The following FHIT variants were observed in gnomAD, a reference collection of about 807,000 sequenced individuals.
FHIT encodes the protein fragile histidine triad diadenosine triphosphatase, also known as bis(5'-adenosyl)-triphosphatase.
Under a neutral mutation model 17.9 loss-of-function variants are expected in FHIT, and 19 were observed. The ratio of observed to expected loss-of-function variants is 1.06; its 90% CI spans 0.74 to 1.56. The LOEUF (loss-of-function observed/expected upper bound fraction) is 1.56, where lower values mean the gene tolerates loss of function less well. Ranked by LOEUF, FHIT falls within the 40% of genes most tolerant of loss-of-function variation. FHIT has a pLI of 0.00. For missense variants in FHIT, 248 were observed against 189.2 expected (o/e 1.31, Z -1.82); for synonymous variants, 81 against 69.7 (o/e 1.16, Z -0.81).
chr3:60,215,614 A>G (rs1180206809), intron 5 of FHIT, among the ~76,000 whole-genome samples: 1 of 152,228 alleles, frequency 6.6e-6, no homozygotes, highest in African/African-American at 2.4e-5. Context: ...AAATGTGGAT[A>G]GAAGAAATAT....
chr3:60,891,681 T>G (rs1411937589), intron 3 of FHIT, among the ~76,000 whole-genome samples: 1 of 152,218 alleles, frequency 6.6e-6, no homozygotes, highest in Non-Finnish European at 1.5e-5. Context: ...CTTGCAATCA[T>G]TCTCAGAAAC....
chr3:60,095,443 G>A (rs1703906567), intron 5 of FHIT, among the ~76,000 whole-genome samples: 1 of 152,192 alleles, frequency 6.6e-6, no homozygotes, highest in Non-Finnish European at 1.5e-5. Flanking sequence ...AAATTGGAGA[G>A]CTTAAAATGC....
intron 8 of FHIT, among the ~76,000 whole-genome samples, chr3:59,914,781 C>T (rs977443428): frequency 3.3e-5 from 5 of 151,436 alleles, no homozygotes; most frequent in Non-Finnish European, 1.5e-5. Context: ...CCTAGTTTAT[C>T]CATTTCTGAT....
At chr3:60,020,813 A>G (rs1700526246) in intron 5 of FHIT, among the ~76,000 whole-genome samples, 1 of 152,248 alleles carries the variant, frequency 6.6e-6, no homozygotes, top group Non-Finnish European at 1.5e-5. Context: ...TAAATAGCAC[A>G]ATTACAGAGC....
At chr3:60,362,932 G>C (rs1699961857) in intron 5 of FHIT, among the ~76,000 whole-genome samples, 1 of 152,140 alleles carries the variant, frequency 6.6e-6, no homozygotes, top group South Asian at 2.1e-4. Flanking sequence ...AAGCAGCAGA[G>C]AACTTCAGAA....
At chr3:60,671,468 A>G (rs1453520278) in intron 4 of FHIT, among the ~76,000 whole-genome samples, 2 of 152,152 alleles carry the variant, frequency 1.3e-5, no homozygotes, top group Non-Finnish European at 1.5e-5. Flanking sequence ...CAAATGTAAT[A>G]TAATAAACAC....
chr3:61,099,312 T>C (rs1170253561), intron 2 of FHIT, among the ~76,000 whole-genome samples: 2 of 152,156 alleles, frequency 1.3e-5, no homozygotes, highest in Non-Finnish European at 2.9e-5. Flanking sequence ...TGTTGCTGGA[T>C]TCGGTTTGCT....
chr3:61,064,671 C>T (rs1255637072), intron 2 of FHIT, among the ~76,000 whole-genome samples: 2 of 152,114 alleles, frequency 1.3e-5, no homozygotes. Context: ...TAAGGCTCTG[C>T]CACTTGAGAA....
At chr3:61,204,822 T>A (rs564346473) in intron 1 of FHIT, among the ~76,000 whole-genome samples, 57 of 152,298 alleles carry the variant, frequency 3.7e-4, no homozygotes, top group South Asian at 2.1e-4. Context: ...ATTCTTTTTT[T>A]AAAATTTTAT....
In FHIT at chr3:61,090,224, T is replaced by A. The variant is rs928469962; in HGVS notation, c.-163-48125A>T. ...ACAAAGTAAAGTCAGCCCTTTGTTT[T>A]AGGGGGGAAATTGTACCAGTCTCAA... On this transcript the variant is annotated intron_variant, in intron 2 of 9. Coordinates refer to ENST00000492590, the MANE Select transcript of FHIT (RefSeq NM_002012.4). Among the ~76,000 whole-genome samples the A allele has an allele frequency of 2.0e-5, 3 of 152,342 alleles. No homozygotes were observed. In the South Asian group the frequency reaches 6.2e-4, roughly 32 times the overall value.
At chr3:61,231,979 A>T (rs1315563491) in intron 1 of FHIT, among the ~76,000 whole-genome samples, 1 of 152,200 alleles carries the variant, frequency 6.6e-6, no homozygotes, top group Non-Finnish European at 1.5e-5. Flanking sequence ...GGGCTCTTAA[A>T]GGTAGGCTCT....
intron 4 of FHIT, among the ~76,000 whole-genome samples, chr3:60,736,457 G>T (rs2042134974): frequency 6.6e-6 from 1 of 152,224 alleles, no homozygotes; most frequent in South Asian, 2.1e-4. Context: ...GCATTATTTG[G>T]CAATAAAAAG....
chr3:60,030,045 G>A (rs1021963097), intron 5 of FHIT, among the ~76,000 whole-genome samples: 1 of 151,868 alleles, frequency 6.6e-6, no homozygotes, highest in Non-Finnish European at 1.5e-5. Flanking sequence ...AGCTCTATTT[G>A]TCAGGGTTTT....
chr3:60,312,584 C>T (rs528440641), intron 5 of FHIT, among the ~76,000 whole-genome samples: 40 of 152,288 alleles, frequency 2.6e-4, no homozygotes, highest in African/African-American at 9.4e-4. Flanking sequence ...TGAAATGCAG[C>T]TTCTGATTTA....
chr3:61,068,644 G>T (rs575489021), intron 2 of FHIT, among the ~76,000 whole-genome samples: 11 of 152,208 alleles, frequency 7.2e-5, no homozygotes, highest in African/African-American at 2.6e-4. Context: ...GGAGATTAGG[G>T]TGTAGATATC....
intron 7 of FHIT, among the ~76,000 whole-genome samples, chr3:60,006,559 C>T (rs1322351082): frequency 6.6e-6 from 1 of 151,990 alleles, no homozygotes; most frequent in African/African-American, 2.4e-5. Context: ...ATGTCCAAAT[C>T]CTAGCCAATC....
rs1441288776 is a variant in FHIT at position 60,260,198 on chromosome 3, G to C, written c.104-246046C>G. ...AGCAAAACCATCCTTCCAGTTCTAA[G>C]GGCCGTAGAGGGTGTAGGAGGTTGG... On this transcript the variant is annotated intron_variant, in intron 5 of 9. Transcript: ENST00000492590. Among the ~76,000 whole-genome samples the C allele has an allele frequency of 2.0e-5, 3 of 152,098 alleles. No homozygotes were observed. The South Asian group carries it at 6.2e-4, about 32-fold the overall frequency.
chr3:61,044,383 C>T (rs369393366), intron 2 of FHIT, among the ~76,000 whole-genome samples: 3 of 152,060 alleles, frequency 2.0e-5, no homozygotes, highest in East Asian at 1.9e-4. Flanking sequence ...AAGGGTATCA[C>T]TGATTGAAGA....
In FHIT at chr3:60,730,188, C is replaced by T. The variant is rs1218268077; in HGVS notation, c.-18+91731G>A. The T allele has an allele frequency of 4.8e-5, 18 of 375,736 alleles. No individual in the cohort carries two copies. In the Admixed American group the frequency reaches 6.2e-4, roughly 13 times the overall value. 23.3% of individuals were successfully genotyped at this position (375,736 alleles called of 1,614,324 possible). On this transcript the variant is annotated intron_variant, in intron 4 of 9. Transcript: ENST00000492590. ...TGTTGTCACTAATGGCTCTGTGTAT[C>T]CTCTCCCAGATTTTCGTGTATTCCT... is the stretch of plus-strand genomic sequence containing the variant.
Sources: allele counts gnomAD v4.1 joint callset (sites outside exome capture counted in the v4.1 genomes callset), GRCh38; gene constraint gnomAD v4.1.1; transcripts MANE v1.5; gene names NCBI Gene and HGNC (gene_info 2026-07-23, HGNC 2026-07-21).